Variants in WHR1 observed in about 807,000 individuals in gnomAD.
WHR1 encodes winged helix repair factor 1, also known as MHC class III HLA-RP1.
chr6:31,972,788 C>A, the WHR1 span: 1 of 1,606,674 alleles, frequency 6.2e-7, no homozygotes, highest in Non-Finnish European at 8.5e-7. This position sits in a 1 kb window ranked among gnomAD's most constrained non-coding sequence, Gnocchi z 6.3. Context: ...CGCCGGAAGC[C>A]CCTTTCCTAA....
chr6:31,972,450 T>G, the WHR1 span: 1 of 1,613,034 alleles, frequency 6.2e-7, no homozygotes, highest in South Asian at 1.1e-5. This position sits in a 1 kb window ranked among gnomAD's most constrained non-coding sequence, Gnocchi z 6.3. Context: ...CGGAGACCTT[T>G]GGAGTTAAGA....
the WHR1 span, chr6:31,980,568 A>G: frequency 3.7e-6 from 6 of 1,608,928 alleles, no homozygotes; most frequent in South Asian, 5.5e-5. Flanking sequence ...CTGCAGCTCA[A>G]GCCTGCAGCC....
At chr6:31,979,477 C>T in the WHR1 span, 9 of 1,612,856 alleles carry the variant, frequency 5.6e-6, no homozygotes, top group Non-Finnish European at 7.6e-6. Context: ...AGCTTCAGTA[C>T]TTCCAGCCTG....
the WHR1 span, chr6:31,971,515 A>G: frequency 3.7e-6 from 6 of 1,614,178 alleles, no homozygotes; most frequent in Non-Finnish European, 5.1e-6. The surrounding 1 kb of genome is among the most constrained non-coding windows in gnomAD (Gnocchi z 4.5). Flanking sequence ...TTGAGCATCC[A>G]GGGAGAAGCA....
the WHR1 span, among the ~76,000 whole-genome samples, chr6:31,977,438 G>T: frequency 6.7e-6 from 1 of 150,270 alleles, no homozygotes; most frequent in African/African-American, 2.5e-5. Context: ...TGCCTCCTGG[G>T]TTCACCCATT....
chr6:31,980,405 T>A, the WHR1 span: 2 of 1,521,222 alleles, frequency 1.3e-6, no homozygotes, highest in Non-Finnish European at 9.0e-7. Context: ...GAGAGATGGT[T>A]CTCAGAGCCC....
the WHR1 span, among the ~76,000 whole-genome samples, chr6:31,974,622 G>T: frequency 2.0e-5 from 3 of 152,206 alleles, no homozygotes; most frequent in African/African-American, 7.2e-5. Flanking sequence ...GCTGGGCATG[G>T]TGGTGTGCAC....
the WHR1 span, among the ~76,000 whole-genome samples, chr6:31,974,883 C>T: frequency 1.3e-5 from 2 of 152,194 alleles, no homozygotes; most frequent in African/African-American, 4.8e-5. Flanking sequence ...CTAGCACTCA[C>T]TTGAGGTGAG....
the WHR1 span, chr6:31,971,818 C>T: frequency 7.6e-7 from 1 of 1,321,480 alleles, no homozygotes; most frequent in Non-Finnish European, 1.0e-6. The surrounding 1 kb of genome is among the most constrained non-coding windows in gnomAD (Gnocchi z 4.5). Flanking sequence ...GCCACCGCGG[C>T]CAAGCTCTCA....
the WHR1 span, chr6:31,979,034 G>C: frequency 4.4e-6 from 7 of 1,603,154 alleles, no homozygotes; most frequent in Admixed American, 8.4e-5. Flanking sequence ...GCTGGGGGGA[G>C]GGCACAGGTT....
At chr6:31,980,765 A>T in the WHR1 span, 1 of 1,600,850 alleles carries the variant, frequency 6.2e-7, no homozygotes, top group South Asian at 1.1e-5. Flanking sequence ...CTCACCTACC[A>T]TGTGCACGAC....
the WHR1 span, among the ~76,000 whole-genome samples, chr6:31,976,128 T>TG: frequency 8.4e-6 from 1 of 119,358 alleles, no homozygotes; most frequent in Non-Finnish European, 1.7e-5. Context: ...GCTGGCTGCG[T>TG]GGGGGGCTGA....
the WHR1 span, among the ~76,000 whole-genome samples, chr6:31,978,366 G>A: frequency 6.6e-6 from 1 of 152,150 alleles, no homozygotes; most frequent in African/African-American, 2.4e-5. Context: ...TCGAACTCCT[G>A]TCCTCAATTG....
At chr6:31,979,593 C>T in the WHR1 span, 2 of 1,607,378 alleles carry the variant, frequency 1.2e-6, no homozygotes, top group East Asian at 4.5e-5. Flanking sequence ...GCATCTGGTG[C>T]TTCCCTGCCT....
the WHR1 span, chr6:31,973,074 G>A: frequency 1.9e-5 from 12 of 617,202 alleles, no homozygotes; most frequent in Non-Finnish European, 3.3e-5. Context: ...ATCTTACACT[G>A]AGGCGATGGG....
At chr6:31,973,631 T>C in the WHR1 span, among the ~76,000 whole-genome samples, 1 of 152,142 alleles carries the variant, frequency 6.6e-6, no homozygotes, top group African/African-American at 2.4e-5. Flanking sequence ...GGGGGAAATA[T>C]TTTACTAATC....
At chr6:31,980,505 AGCTGT>A in the WHR1 span, 5 of 1,613,098 alleles carry the variant, frequency 3.1e-6, no homozygotes, top group South Asian at 5.5e-5. Context: ...GCTGGTGGCT[AGCTGT>A]GCCTGGAGCT....
the WHR1 span, among the ~76,000 whole-genome samples, chr6:31,976,459 A>G: frequency 7.1e-6 from 1 of 141,464 alleles, no homozygotes; most frequent in Non-Finnish European, 1.5e-5. Context: ...CGGCGGGGCA[A>G]AGGCGCTCCC....
chr6:31,980,403 G>A, the WHR1 span: 1 of 1,515,172 alleles, frequency 6.6e-7, no homozygotes, highest in African/African-American at 1.4e-5. Context: ...AGGAGAGATG[G>A]TTCTCAGAGC....
Sources: gnomAD v4.1 joint callset for allele counts (sites outside exome capture counted in the v4.1 genomes callset) on GRCh38, gnomAD v4.1.1 for gene constraint, Gnocchi (gnomAD v3.1) non-coding constraint, MANE v1.5 for transcripts, NCBI Gene and HGNC (gene_info 2026-07-23, HGNC 2026-07-21) for gene names.